The following REEP1 variants were observed in gnomAD, a reference collection of about 807,000 sequenced individuals.
REEP1 encodes receptor expression-enhancing protein 1.
A neutral mutation model predicts 40.3 loss-of-function variants in REEP1; 22 were observed. That is an observed-to-expected ratio of 0.55 (90% CI 0.39 to 0.78). The LOEUF (loss-of-function observed/expected upper bound fraction) is 0.78. Ranked by LOEUF, REEP1 falls within the 30% of genes least tolerant of loss-of-function variation. The pLI is 0.00. For synonymous variants in REEP1, 116 were observed against 139.2 expected, an observed-to-expected ratio of 0.83 and a Z score of 1.17; for missense variants, 280 against 361.1, an observed-to-expected ratio of 0.78 and a Z score of 1.82.
intron 1 of REEP1, among the ~76,000 whole-genome samples, chr2:86,282,911 C>T (rs79383023): frequency 0.016 from 2,466 of 152,248 alleles, 52 homozygotes; most frequent in African/African-American, 0.053. Flanking sequence ...AGGACCTGAA[C>T]GGCAGAGTTC....
chr2:86,255,898 G>A (rs11691807), intron 3 of REEP1, among the ~76,000 whole-genome samples: 63,619 of 151,918 alleles, frequency 0.42, 14,792 homozygotes, highest in East Asian at 0.65. Flanking sequence ...ATCTTGTGCT[G>A]TGAACAACCC....
intron 3 of REEP1, among the ~76,000 whole-genome samples, chr2:86,255,985 G>A (rs970570494): frequency 3.9e-5 from 6 of 152,108 alleles, no homozygotes; most frequent in Admixed American, 2.6e-4. Context: ...GTATTCTGAT[G>A]TACTTTGGGG....
intron 1 of REEP1, among the ~76,000 whole-genome samples, chr2:86,303,139 C>T (rs1196917503): frequency 6.6e-6 from 1 of 151,662 alleles, no homozygotes; most frequent in Non-Finnish European, 1.5e-5. Context: ...AATTCCTAGG[C>T]TCACGTGATC....
At chr2:86,288,168 G>A (rs550544466) in intron 1 of REEP1, among the ~76,000 whole-genome samples, 407 of 152,112 alleles carry the variant, frequency 2.7e-3, no homozygotes, top group Non-Finnish European at 3.8e-3. Flanking sequence ...GATTACAGGC[G>A]TGAGCCACCA....
chr2:86,261,267 T>C (rs971365752), intron 3 of REEP1, among the ~76,000 whole-genome samples: 49 of 152,264 alleles, frequency 3.2e-4, no homozygotes, highest in Admixed American at 2.7e-3. Flanking sequence ...CGGCCTCTAC[T>C]CTCATCTTTG....
chr2:86,332,436 A>AACACACACACAC (rs55793634), intron 1 of REEP1, among the ~76,000 whole-genome samples: 1,467 of 136,178 alleles, frequency 0.011, 29 homozygotes, highest in African/African-American at 0.031. Flanking sequence ...CTTTCCTGGA[A>AACACACACACAC]ACACACACAC....
chr2:86,238,403 T>C (rs1675477390), intron 5 of REEP1, among the ~76,000 whole-genome samples: 1 of 152,228 alleles, frequency 6.6e-6, no homozygotes, highest in Non-Finnish European at 1.5e-5. Context: ...CTTTGAGCTG[T>C]ACTTCTCTCT....
At chr2:86,302,429 G>C (rs917258289) in intron 1 of REEP1, among the ~76,000 whole-genome samples, 2 of 152,228 alleles carry the variant, frequency 1.3e-5, no homozygotes, top group African/African-American at 4.8e-5. Context: ...GATGAGAGTA[G>C]AGACTGGCAC....
chr2:86,221,564 C>G (rs913627821), intron 7 of REEP1, among the ~76,000 whole-genome samples: 33 of 152,122 alleles, frequency 2.2e-4, no homozygotes, highest in Non-Finnish European at 8.8e-5. Flanking sequence ...CCTCCCCACT[C>G]TGAGACCCGA....
In REEP1 at chr2:86,264,047, GA is replaced by G; in HGVS notation, c.106-7del. 1 of 1,609,752 alleles carries G rather than the reference GA, an allele frequency of 6.2e-7. No homozygotes were observed. The highest frequency in any genetic ancestry group is 1.1e-5 in the South Asian group (1 of 90,970). On this transcript the variant is annotated splice_region_variant and splice_polypyrimidine_tract_variant and intron_variant, in intron 2 of 8. Transcript: ENST00000538924. ...CAGTACATCATCCATTTGACCTGTTGAAACAGAAAGCAACACAGCTGGTAGA... is the reference window on the plus strand; with the variant it reads ...CAGTACATCATCCATTTGACCTGTTGAACAGAAAGCAACACAGCTGGTAGA...
Position 86,263,378 on chromosome 2 carries a change from C to A in REEP1, c.182+587G>T, listed in dbSNP as rs887358074. ...CCAAGTAGCTGGGACTACAGGTGTGCACCACCATGCCCGGCTAATTATTTT... is the reference window on the plus strand; with the variant it reads ...CCAAGTAGCTGGGACTACAGGTGTGAACCACCATGCCCGGCTAATTATTTT... On this transcript the variant is annotated intron_variant, in intron 3 of 8. Transcript: ENST00000538924. Among the ~76,000 whole-genome samples the A allele has an allele frequency of 3.3e-5, 5 of 152,050 alleles. No homozygotes were observed. In the East Asian group the frequency reaches 9.6e-4, roughly 29 times the overall value.
chr2:86,261,441 T>C (rs924082465), intron 3 of REEP1, among the ~76,000 whole-genome samples: 2 of 152,216 alleles, frequency 1.3e-5, no homozygotes, highest in African/African-American at 4.8e-5. Context: ...CCCAACCCCG[T>C]GCTCTCTGAA....
intron 1 of REEP1, among the ~76,000 whole-genome samples, chr2:86,334,786 T>C (rs896761992): frequency 6.6e-5 from 10 of 152,084 alleles, no homozygotes; most frequent in Non-Finnish European, 1.3e-4. Flanking sequence ...GTAAATTAAG[T>C]CTGAGAGCCC....
intron 1 of REEP1, among the ~76,000 whole-genome samples, chr2:86,332,557 T>A (rs1035250971): frequency 2.0e-5 from 3 of 151,340 alleles, no homozygotes; most frequent in African/African-American, 7.3e-5. Flanking sequence ...CTTCCCTCAT[T>A]CTCCCCAGGG....
chr2:86,217,340 A>G (rs1674170194), intron 8 of REEP1, among the ~76,000 whole-genome samples: 1 of 152,070 alleles, frequency 6.6e-6, no homozygotes, highest in Admixed American at 6.5e-5. Context: ...CTCTTAAATT[A>G]TGCTCCTCAA....
At chr2:86,297,821 G>T in intron 1 of REEP1, 1 of 550,828 alleles carries the variant, frequency 1.8e-6, no homozygotes, top group Non-Finnish European at 2.3e-6. Context: ...GGATGCCTAA[G>T]GTCCAGCCTG....
chr2:86,316,890 C>T (rs1032794197), intron 1 of REEP1, among the ~76,000 whole-genome samples: 1 of 152,072 alleles, frequency 6.6e-6, no homozygotes, highest in African/African-American at 2.4e-5. Flanking sequence ...CAAAAGGAGA[C>T]CATGGTTTCG....
chr2:86,227,581 T>A (rs11127017), intron 6 of REEP1, among the ~76,000 whole-genome samples, 183 bp from the exon 7 acceptor site: 3 of 152,002 alleles, frequency 2.0e-5, no homozygotes, highest in Non-Finnish European at 4.4e-5. Context: ...ATTCAGTTTC[T>A]GCTCAGGTGC....
chr2:86,238,099 T>G (rs1357663101), intron 5 of REEP1, among the ~76,000 whole-genome samples: 1 of 152,192 alleles, frequency 6.6e-6, no homozygotes, highest in Non-Finnish European at 1.5e-5. Context: ...GAGAATCGCT[T>G]GAACCCGGGA....
Sources: gnomAD v4.1 joint callset for allele counts (sites outside exome capture counted in the v4.1 genomes callset) on GRCh38, gnomAD v4.1.1 for gene constraint, MANE v1.5 for transcripts, NCBI Gene and HGNC (gene_info 2026-07-23, HGNC 2026-07-21) for gene names.